The following SOX5 variants were observed in gnomAD, a reference collection of about 807,000 sequenced individuals.
SOX5 encodes SRY-box transcription factor 5, also known as transcription factor SOX-5.
A neutral mutation model predicts 92.0 loss-of-function variants in SOX5; 9 were observed. That is an observed-to-expected ratio of 0.10 (90% CI 0.06 to 0.17). SOX5 has a LOEUF of 0.17. SOX5 is among the 10% of genes least tolerant of loss of function. The probability of loss-of-function intolerance (pLI) is 1.00; values close to 1 mark genes in which losing one functional copy is unlikely to be tolerated. For synonymous variants in SOX5, 344 were observed against 336.3 expected, an observed-to-expected ratio of 1.02 and a Z score of -0.25; for missense variants, 642 against 944.5, an observed-to-expected ratio of 0.68 and a Z score of 4.20.
At chr12:23,827,799 G>A (rs28663008) in intron 3 of SOX5, among the ~76,000 whole-genome samples, 2 of 151,972 alleles carry the variant, frequency 1.3e-5, no homozygotes, top group Non-Finnish European at 2.9e-5. Context: ...GCTTTTTTTT[G>A]TTTTTGTTTT....
intron 4 of SOX5, among the ~76,000 whole-genome samples, chr12:24,191,926 C>T (rs1956568423): frequency 6.6e-6 from 1 of 152,102 alleles, no homozygotes; most frequent in South Asian, 2.1e-4. Flanking sequence ...CAGGTTTAAT[C>T]TCAAACCAAG....
At chr12:24,277,932 A>G (rs1208910476) in intron 2 of SOX5, among the ~76,000 whole-genome samples, 1 of 152,124 alleles carries the variant, frequency 6.6e-6, no homozygotes, top group Non-Finnish European at 1.5e-5. Context: ...GCTCAGCTCA[A>G]CTTCAGAAAG....
intron 4 of SOX5, among the ~76,000 whole-genome samples, chr12:23,973,380 C>T (rs1380011395): frequency 6.6e-6 from 1 of 151,904 alleles, no homozygotes; most frequent in African/African-American, 2.4e-5. Flanking sequence ...AGGCTGGTCT[C>T]GAACTCCTGA....
At position 23,546,383 on chromosome 12, in the gene SOX5, A is replaced by G. The variant is rs1345403210; in HGVS notation, c.1530T>C (p.Val510=). 1 of 1,610,206 alleles carries G rather than the reference A, an allele frequency of 6.2e-7. No individual in the cohort carries two copies. Among genetic ancestry groups the G allele is most frequent in the African/African-American group, 1.3e-5 (1 of 74,806 alleles). The change falls in exon 12 of 15, where the codon GTT becomes GTC. Residue 510 remains valine (V), a synonymous_variant. Coordinates refer to ENST00000451604, the MANE Select transcript of SOX5 (RefSeq NM_006940.6). ...TAAATTTTCCTTCTTCATTCTGTTTAACTGCCAGTTGCTGAGTCAGACTCT... is the reference window on the plus strand; with the variant it reads ...TAAATTTTCCTTCTTCATTCTGTTTGACTGCCAGTTGCTGAGTCAGACTCT... ...TLESLTQQLA[V]KQNEEGKFSH...
intron 1 of SOX5, chr12:24,368,769 C>T (rs2136238738): frequency 6.6e-6 from 1 of 152,270 alleles, no homozygotes; most frequent in South Asian, 2.1e-4. Context: ...CCTGTATATC[C>T]TACATTATTA....
intron 12 of SOX5, among the ~76,000 whole-genome samples, chr12:23,544,458 A>G (rs577050958): frequency 1.3e-5 from 2 of 152,316 alleles, no homozygotes; most frequent in East Asian, 3.9e-4. Flanking sequence ...ATTATCAACA[A>G]AAGCACTGCT....
chr12:23,617,159 A>G (rs950879273), intron 8 of SOX5, among the ~76,000 whole-genome samples: 5 of 149,190 alleles, frequency 3.4e-5, no homozygotes, highest in Non-Finnish European at 7.4e-5. Context: ...GATAGATGGC[A>G]GGAGGATAAG....
At chr12:23,883,600 A>G (rs1297470999) in intron 2 of SOX5, among the ~76,000 whole-genome samples, 1 of 152,212 alleles carries the variant, frequency 6.6e-6, no homozygotes, top group East Asian at 1.9e-4. Context: ...CCATTTTAAT[A>G]TGAGAAAACA....
chr12:24,332,589 A>T (rs577255), intron 2 of SOX5, among the ~76,000 whole-genome samples: 72,710 of 151,890 alleles, frequency 0.48, 17,965 homozygotes, highest in South Asian at 0.6. Flanking sequence ...AAAATAAAAA[A>T]TAAAAAGTAG....
At chr12:23,949,344 G>T (rs1945159043) in intron 1 of SOX5, among the ~76,000 whole-genome samples, 2 of 152,100 alleles carry the variant, frequency 1.3e-5, no homozygotes, top group Admixed American at 6.5e-5. Flanking sequence ...GTTATAGGAC[G>T]CAACCTAAAA....
chr12:24,532,493 C>G (rs1951284612), intron 1 of SOX5, among the ~76,000 whole-genome samples: 1 of 152,120 alleles, frequency 6.6e-6, no homozygotes, highest in South Asian at 2.1e-4. Context: ...GGACACAGAC[C>G]CAGGAGCCAT....
intron 2 of SOX5, among the ~76,000 whole-genome samples, chr12:23,876,036 A>C (rs1345342538): frequency 6.6e-6 from 1 of 152,188 alleles, no homozygotes; most frequent in African/African-American, 2.4e-5. Flanking sequence ...TTTTCCAGCA[A>C]GTTGTAGTTT....
At chr12:24,376,369 A>C (rs148159739) in intron 1 of SOX5, among the ~76,000 whole-genome samples, 2 of 152,186 alleles carry the variant, frequency 1.3e-5, no homozygotes, top group Non-Finnish European at 2.9e-5. Context: ...CGTTAATCAC[A>C]TGAAAGAGCT....
chr12:23,835,251 A>G (rs954234963), intron 3 of SOX5, among the ~76,000 whole-genome samples: 6 of 151,860 alleles, frequency 4.0e-5, no homozygotes, highest in Admixed American at 3.9e-4. Flanking sequence ...TCTAAAATAT[A>G]AAAAACAAAA....
chr12:24,268,471 A>G (rs769815058), intron 3 of SOX5, among the ~76,000 whole-genome samples: 1 of 152,202 alleles, frequency 6.6e-6, no homozygotes, highest in Non-Finnish European at 1.5e-5. Flanking sequence ...ATAAGAAACA[A>G]TTTACAACGA....
At chr12:24,069,268 C>A (rs780250651) in intron 4 of SOX5, among the ~76,000 whole-genome samples, 39 of 152,118 alleles carry the variant, frequency 2.6e-4, no homozygotes, top group Non-Finnish European at 8.8e-5. Context: ...AGAAGCTCTA[C>A]CTCAGAAATA....
At chr12:23,795,757 T>G (rs1300037062) in intron 3 of SOX5, among the ~76,000 whole-genome samples, 1 of 152,128 alleles carries the variant, frequency 6.6e-6, no homozygotes, top group African/African-American at 2.4e-5. Context: ...GAAGCTACAG[T>G]TTACAGACAG....
intron 1 of SOX5, among the ~76,000 whole-genome samples, chr12:24,445,998 A>T (rs1566183419): frequency 6.6e-6 from 1 of 152,212 alleles, no homozygotes; most frequent in Non-Finnish European, 1.5e-5. Flanking sequence ...AAGGGCCAAC[A>T]CATTATGGAA....
intron 6 of SOX5, among the ~76,000 whole-genome samples, chr12:23,719,243 A>T (rs1056381082): frequency 6.6e-6 from 1 of 152,204 alleles, no homozygotes; most frequent in African/African-American, 2.4e-5. Flanking sequence ...TATTGGATGA[A>T]TCAGAATCTA....
Sources: gnomAD v4.1 joint callset for allele counts (sites outside exome capture counted in the v4.1 genomes callset) on GRCh38, gnomAD v4.1.1 for gene constraint, MANE v1.5 for transcripts, NCBI Gene and HGNC (gene_info 2026-07-23, HGNC 2026-07-21) for gene names.